The following L3MBTL3 variants were observed in gnomAD, a reference collection of about 807,000 sequenced individuals.
The protein encoded by L3MBTL3 is lethal(3)malignant brain tumor-like protein 3.
In L3MBTL3, 27 loss-of-function variants were observed where a neutral mutation model predicts 102.3. That is an observed-to-expected ratio of 0.26 (90% CI 0.19 to 0.36). The LOEUF (loss-of-function observed/expected upper bound fraction) is 0.36. L3MBTL3 is among the 10% of genes least tolerant of loss of function. The probability of loss-of-function intolerance (pLI) is 1.00; values close to 1 mark genes in which losing one functional copy is unlikely to be tolerated. For synonymous variants in L3MBTL3, 340 were observed against 320.9 expected, an observed-to-expected ratio of 1.06 and a Z score of -0.64; for missense variants, 798 against 955.3, an observed-to-expected ratio of 0.84 and a Z score of 2.17.
intron 14 of L3MBTL3, among the ~76,000 whole-genome samples, chr6:130,082,255 C>G (rs1056484841): frequency 5.9e-5 from 9 of 152,064 alleles, no homozygotes; most frequent in African/African-American, 1.7e-4. Flanking sequence ...GTATCTTGTC[C>G]CAATGTCATT....
chr6:130,132,352 C>T (rs556669800), intron 20 of L3MBTL3, among the ~76,000 whole-genome samples: 3 of 152,190 alleles, frequency 2.0e-5, no homozygotes, highest in East Asian at 1.9e-4. Flanking sequence ...AGATGAGGTG[C>T]GATTGGAAGG....
chr6:130,135,980 G>T (rs1279499606), intron 22 of L3MBTL3, among the ~76,000 whole-genome samples: 1 of 152,166 alleles, frequency 6.6e-6, no homozygotes, highest in Non-Finnish European at 1.5e-5. Flanking sequence ...TATTCAGATA[G>T]GCTGTTGTTG....
chr6:130,035,600 G>T (rs567937424), intron 2 of L3MBTL3, among the ~76,000 whole-genome samples: 1 of 152,214 alleles, frequency 6.6e-6, no homozygotes, highest in Non-Finnish European at 1.5e-5. Context: ...TAATGGTCTC[G>T]GTCTTCAGTA....
At chr6:130,113,229 T>G (rs1785460591) in intron 19 of L3MBTL3, among the ~76,000 whole-genome samples, 1 of 152,210 alleles carries the variant, frequency 6.6e-6, no homozygotes, top group Non-Finnish European at 1.5e-5. Context: ...GGAAATGGAA[T>G]TCTTGTGTTC....
At chr6:130,062,921 T>C (rs1781994857) in intron 10 of L3MBTL3, among the ~76,000 whole-genome samples, 1 of 151,922 alleles carries the variant, frequency 6.6e-6, no homozygotes, top group Non-Finnish European at 1.5e-5. Flanking sequence ...TCTTTGATGC[T>C]TATTGCTCCT....
At chr6:130,118,308 G>A (rs979388070) in intron 19 of L3MBTL3, among the ~76,000 whole-genome samples, 5 of 152,150 alleles carry the variant, frequency 3.3e-5, no homozygotes, top group Non-Finnish European at 5.9e-5. Flanking sequence ...CCTTCAAGGC[G>A]TGTTATAAAA....
chr6:130,066,826 A>G (rs903755565), intron 11 of L3MBTL3, among the ~76,000 whole-genome samples: 58 of 152,192 alleles, frequency 3.8e-4, no homozygotes, highest in African/African-American at 1.4e-3. Context: ...ATTAGTTTAT[A>G]TAACTAAGTT....
chr6:130,099,116 A>G (rs1413973621), intron 18 of L3MBTL3, among the ~76,000 whole-genome samples: 1 of 152,074 alleles, frequency 6.6e-6, no homozygotes, highest in Non-Finnish European at 1.5e-5. Flanking sequence ...CCTAGAAAAA[A>G]ACATTCTTAG....
intron 19 of L3MBTL3, among the ~76,000 whole-genome samples, chr6:130,117,929 T>A (rs2115468356): frequency 7.4e-6 from 1 of 134,418 alleles, no homozygotes; most frequent in African/African-American, 2.7e-5. Flanking sequence ...CAGGCTGGCC[T>A]CGAATTCCTG....
chr6:130,134,439 A>G (rs1787396261), intron 22 of L3MBTL3, among the ~76,000 whole-genome samples: 1 of 152,202 alleles, frequency 6.6e-6, no homozygotes, highest in South Asian at 2.1e-4. Flanking sequence ...AGATTATTTT[A>G]TTAGTTGTTT....
chr6:130,045,427 C>T (rs894336157), intron 3 of L3MBTL3, among the ~76,000 whole-genome samples: 1 of 152,160 alleles, frequency 6.6e-6, no homozygotes, highest in South Asian at 2.1e-4. Context: ...AACGTACTCT[C>T]TGCTGAACAC....
chr6:130,089,426 A>C (rs992530119), intron 16 of L3MBTL3, among the ~76,000 whole-genome samples: 9 of 151,906 alleles, frequency 5.9e-5, no homozygotes, highest in Admixed American at 3.9e-4. Context: ...ATAGTATTCC[A>C]TGGTGTATAT....
At chr6:130,049,250 T>C (rs765982999) in intron 3 of L3MBTL3, 32 bp from the exon 4 acceptor site, 5 of 1,275,632 alleles carry the variant, frequency 3.9e-6, no homozygotes, top group South Asian at 1.2e-5. Flanking sequence ...GAGCACTTTT[T>C]AAATTTTGCC....
chr6:130,072,978 G>A (rs1170517066), intron 13 of L3MBTL3, among the ~76,000 whole-genome samples: 1 of 152,122 alleles, frequency 6.6e-6, no homozygotes, highest in Non-Finnish European at 1.5e-5. Context: ...AAGACACCAG[G>A]TTGTTTGTAC....
At position 130,055,036 on chromosome 6, in the gene L3MBTL3, C is replaced by A. The variant is rs191629951; in HGVS notation, c.583-135C>A. 32 of 679,078 alleles carry A rather than the reference C, an allele frequency of 4.7e-5. 1 individual carries two copies. The highest frequency in any genetic ancestry group is 4.0e-4 in the Middle Eastern group (1 of 2,506). The allele number at this position is 679,078 out of a possible 1,614,324, so 42.1% of individuals were successfully genotyped here. On this transcript the variant is annotated intron_variant, in intron 7 of 22. Transcript: ENST00000361794. ...CAACAGTTTTCAGATGAACTATATT[C>A]TTACTTTCCTTAAAAGTTACAAAGT...
chr6:130,119,394 T>A (rs1446288751), intron 19 of L3MBTL3, among the ~76,000 whole-genome samples: 1 of 152,214 alleles, frequency 6.6e-6, no homozygotes, highest in Non-Finnish European at 1.5e-5. Context: ...TGGAAGTTCA[T>A]AGAAGTTAAT....
intron 16 of L3MBTL3, among the ~76,000 whole-genome samples, chr6:130,091,145 A>C (rs1784020752): frequency 6.6e-6 from 1 of 152,166 alleles, no homozygotes; most frequent in Admixed American, 6.5e-5. Flanking sequence ...CAAATTGATC[A>C]GTCTTTTACT....
intron 2 of L3MBTL3, among the ~76,000 whole-genome samples, chr6:130,026,816 C>T (rs768555465): frequency 6.6e-6 from 1 of 152,002 alleles, no homozygotes; most frequent in Non-Finnish European, 1.5e-5. Flanking sequence ...ATATATAAAG[C>T]ATCAATCAAT....
At chr6:130,039,195 C>T (rs961897387) in intron 2 of L3MBTL3, among the ~76,000 whole-genome samples, 4 of 152,126 alleles carry the variant, frequency 2.6e-5, no homozygotes, top group South Asian at 2.1e-4. Context: ...TTACTTCATC[C>T]GCTTATTAAT....
Sources: allele counts gnomAD v4.1 joint callset (sites outside exome capture counted in the v4.1 genomes callset), GRCh38; gene constraint gnomAD v4.1.1; transcripts MANE v1.5; gene names NCBI Gene and HGNC (gene_info 2026-07-23, HGNC 2026-07-21).